ARRB1: variants seen among roughly 807,000 people sequenced by gnomAD.
The protein encoded by ARRB1 is arrestin beta 1, also known as beta-arrestin-1.
A neutral mutation model predicts 56.8 loss-of-function variants in ARRB1; 21 were observed. That is an observed-to-expected ratio of 0.37 (90% CI 0.26 to 0.53). The LOEUF is 0.53. ARRB1 is among the 20% of genes least tolerant of loss of function. The probability of loss-of-function intolerance (pLI) is 0.88; values close to 1 mark genes in which losing one functional copy is unlikely to be tolerated. For missense variants in ARRB1, 424 were observed against 553.7 expected, an observed-to-expected ratio of 0.77 and a Z score of 2.35; for synonymous variants, 210 against 218.6, an observed-to-expected ratio of 0.96 and a Z score of 0.35.
At chr11:75,343,957 A>G (rs1047395002) in intron 1 of ARRB1, among the ~76,000 whole-genome samples, 4 of 152,134 alleles carry the variant, frequency 2.6e-5, no homozygotes, top group African/African-American at 9.6e-5. Context: ...CTGGGACTAC[A>G]GGCGCCCGCC....
intron 1 of ARRB1, among the ~76,000 whole-genome samples, chr11:75,342,047 G>C (rs1947700134): frequency 6.6e-6 from 1 of 152,164 alleles, no homozygotes; most frequent in Non-Finnish European, 1.5e-5. Flanking sequence ...CTTCCTGCTT[G>C]ACACATAGAG....
intron 3 of ARRB1, among the ~76,000 whole-genome samples, chr11:75,284,575 G>A (rs1946429405): frequency 6.6e-6 from 1 of 152,146 alleles, no homozygotes; most frequent in Non-Finnish European, 1.5e-5. Context: ...CCTAGAACCA[G>A]GTATTCTTTG....
chr11:75,294,950 G>A (rs923231290), intron 1 of ARRB1, among the ~76,000 whole-genome samples: 1 of 151,960 alleles, frequency 6.6e-6, no homozygotes, highest in Non-Finnish European at 1.5e-5. Flanking sequence ...CAGGCCAGGT[G>A]TGGTGGCTCA....
intron 1 of ARRB1, among the ~76,000 whole-genome samples, chr11:75,297,420 A>ATAT (rs1009987190): frequency 6.6e-5 from 10 of 152,326 alleles, no homozygotes; most frequent in African/African-American, 2.4e-4. Flanking sequence ...AAATGAACTC[A>ATAT]TATATTTATG....
At chr11:75,299,038 A>C (rs1245834784) in intron 1 of ARRB1, among the ~76,000 whole-genome samples, 1 of 151,972 alleles carries the variant, frequency 6.6e-6, no homozygotes, top group Non-Finnish European at 1.5e-5. Context: ...ATAGAGACAG[A>C]AGGTAAATTA....
chr11:75,345,318 C>T (rs1947748576), intron 1 of ARRB1, among the ~76,000 whole-genome samples: 2 of 151,998 alleles, frequency 1.3e-5, no homozygotes, highest in Admixed American at 6.6e-5. Context: ...TTAGGGAAGG[C>T]GGGAGGGGGC....
rs746623891 is a variant in ARRB1, at chr11:75,334,935, TTTTTG to T, written c.20+16648_20+16652del. 1.7e-3 allele frequency among the ~76,000 whole-genome samples: 262 copies of T among 151,776 alleles called. 2 individuals are homozygous for T. The highest frequency in any genetic ancestry group is 3.2e-3 in the Non-Finnish European group (220 of 67,928). ...AGCTTACAGAGCTTGGAAGGTTTTT[TTTTTG>T]TTTGTTTGTTTGTTTTAAAAAAAAA... is the stretch of plus-strand genomic sequence containing the variant. On this transcript the variant is annotated intron_variant, in intron 1 of 15. Transcript: ENST00000420843.
intron 1 of ARRB1, among the ~76,000 whole-genome samples, chr11:75,334,646 T>C (rs1391705583): frequency 6.6e-6 from 1 of 152,202 alleles, no homozygotes; most frequent in Non-Finnish European, 1.5e-5. Flanking sequence ...CTTATCTCCA[T>C]TTTGCAGAAG....
chr11:75,283,400 C>T lies in ARRB1; in HGVS notation c.241G>A (p.Val81Met). The T allele has an allele frequency of 1.2e-6, 2 of 1,614,172 alleles. No individual in the cohort carries two copies. The highest frequency in any genetic ancestry group is 1.7e-6 in the Non-Finnish European group (2 of 1,179,994). ...LGLTFRKDLF[V>M]ANVQSFPPAP... The stretch of plus-strand genomic sequence containing the variant: ...GGTGGGAACGACTGTACGTTGGCCA[C>T]AAACAGGTCCTTGCGAAAGGTCAGG... The change falls in exon 5 of 16, where the codon GTG becomes ATG. Residue 81 changes from valine (V) to methionine (M), a missense_variant. Val to Met is a conservative substitution (Grantham distance 21). Transcript: ENST00000420843.
chr11:75,308,855 G>T (rs193276399), intron 1 of ARRB1, among the ~76,000 whole-genome samples: 1 of 152,116 alleles, frequency 6.6e-6, no homozygotes, highest in African/African-American at 2.4e-5. Flanking sequence ...CCACCTCGGC[G>T]TCCTGAGTAG....
chr11:75,309,533 A>G (rs947007669), intron 1 of ARRB1, among the ~76,000 whole-genome samples: 2 of 152,204 alleles, frequency 1.3e-5, no homozygotes, highest in African/African-American at 4.8e-5. Context: ...TGAGAATACT[A>G]ACCCCTACCA....
At chr11:75,273,855 G>A (rs1946131089) in intron 11 of ARRB1, among the ~76,000 whole-genome samples, 1 of 152,210 alleles carries the variant, frequency 6.6e-6, no homozygotes, top group African/African-American at 2.4e-5. Flanking sequence ...GCCTGAGTGA[G>A]CTGGCCTAGT....
At chr11:75,350,223 T>A (rs1947826005) in intron 1 of ARRB1, among the ~76,000 whole-genome samples, 1 of 152,298 alleles carries the variant, frequency 6.6e-6, no homozygotes, top group Admixed American at 6.5e-5. Context: ...TCAGTGGCCC[T>A]GAAAGGTGGT....
intron 1 of ARRB1, among the ~76,000 whole-genome samples, chr11:75,331,576 G>C (rs954431086): frequency 1.3e-5 from 2 of 150,450 alleles, no homozygotes; most frequent in Admixed American, 6.7e-5. Flanking sequence ...AAGCTCCCCC[G>C]CTGAACACCT....
Position 75,268,748 on chromosome 11 carries a change from G to C in ARRB1, c.1093+141C>G, listed in dbSNP as rs552787867. 5.4e-5 allele frequency: 45 copies of C among 827,810 alleles called. No homozygotes were observed. In the African/African-American group the frequency reaches 6.6e-4, roughly 12 times the overall value. 51.3% of individuals were successfully genotyped at this position (827,810 alleles called of 1,614,324 possible). ...CTCCTGGTGGGGTCAGAAGCAAATC[G>C]AGTTCTGGACCCCACAAAAGATCTG... On this transcript the variant is annotated intron_variant, in intron 14 of 15. Coordinates refer to ENST00000420843, the MANE Select transcript of ARRB1 (RefSeq NM_004041.5).
intron 1 of ARRB1, among the ~76,000 whole-genome samples, chr11:75,342,216 CCT>C (rs1195860383): frequency 6.6e-6 from 1 of 152,140 alleles, no homozygotes; most frequent in African/African-American, 2.4e-5. Flanking sequence ...CACTTCTCTC[CCT>C]CTTTCTCACC....
Position 75,262,985 on chromosome 11 carries a change from C to T in ARRB1, c.*3178G>A, listed in dbSNP as rs1945831524. On this transcript the variant is annotated 3_prime_UTR_variant, in exon 16 of 16. Coordinates refer to ENST00000420843, the MANE Select transcript of ARRB1 (RefSeq NM_004041.5). ...GAATGCTGAGGAGGTCCCGCTGGCT[C>T]TCTGCTCGGTGGGTTTTCACCGGGG... 6.6e-6 allele frequency among the ~76,000 whole-genome samples: 1 copy of T among 152,222 alleles called. No individual in the cohort carries two copies. The highest frequency in any genetic ancestry group is 2.1e-4 in the South Asian group (1 of 4,834).
intron 1 of ARRB1, among the ~76,000 whole-genome samples, chr11:75,304,124 G>A (rs781335109): frequency 2.2e-4 from 33 of 152,060 alleles, no homozygotes; most frequent in African/African-American, 6.8e-4. Flanking sequence ...TTTTCCCAGC[G>A]GAAAGATTTT....
chr11:75,319,862 G>A (rs1465665756), intron 1 of ARRB1, among the ~76,000 whole-genome samples: 3 of 152,192 alleles, frequency 2.0e-5, no homozygotes, highest in South Asian at 2.1e-4. Flanking sequence ...CCTAGGTGGT[G>A]GGGTGGAGGG....
Sources: allele counts gnomAD v4.1 joint callset (sites outside exome capture counted in the v4.1 genomes callset), GRCh38; gene constraint gnomAD v4.1.1; transcripts MANE v1.5; gene names NCBI Gene and HGNC (gene_info 2026-07-23, HGNC 2026-07-21).